Variants in IHO1 observed in about 807,000 individuals in gnomAD.
IHO1 encodes interactor of HORMAD1 protein 1.
In IHO1, 13 loss-of-function variants were observed where a neutral mutation model predicts 31.0. The observed-to-expected ratio is 0.42, with a 90% confidence interval of 0.27 to 0.67. The LOEUF (loss-of-function observed/expected upper bound fraction) is 0.67. IHO1 is among the 30% of genes least tolerant of loss of function. The pLI, the probability that IHO1 is intolerant of heterozygous loss-of-function variation, is 0.24. For synonymous variants in IHO1, 221 were observed against 248.4 expected (o/e 0.89, Z 1.04); for missense variants, 599 against 687.5 (o/e 0.87, Z 1.44).
Position 49,199,552 on chromosome 3 carries a change from G to T in IHO1, c.-37G>T, listed in dbSNP as rs568891927. 1 of 152,020 alleles carries T rather than the reference G, an allele frequency of 6.6e-6. No individual in the cohort carries two copies. The highest frequency in any genetic ancestry group is 1.5e-5 in the Non-Finnish European group (1 of 68,056). 9.4% of individuals were successfully genotyped at this position (152,020 alleles called of 1,614,324 possible). On this transcript the variant is annotated 5_prime_UTR_variant, in exon 1 of 8. Transcript: ENST00000452691. The stretch of plus-strand genomic sequence containing the variant: ...AGCCACGTCAGGGCAGCCCCAGGTC[G>T]GGCGCGTGCCAGCAGCCAGAGGTGG...
At chr3:49,224,921 T>G (rs2046400654) in intron 2 of IHO1, among the ~76,000 whole-genome samples, 1 of 152,220 alleles carries the variant, frequency 6.6e-6, no homozygotes, top group African/African-American at 2.4e-5. Context: ...AGTTGTCTGA[T>G]AGCGATAAAC....
At chr3:49,191,666 C>T in the IHO1 span, 1 of 1,494,428 alleles carries the variant, frequency 6.7e-7, no homozygotes, top group South Asian at 1.1e-5. Context: ...AACCTTTTCA[C>T]TTCACCGGCA....
rs578110250 is a variant in IHO1 at position 49,254,595 on chromosome 3, A to C, written c.533-795A>C. Among the ~76,000 whole-genome samples, 418 of 152,204 alleles carry C rather than the reference A, an allele frequency of 2.7e-3. 3 individuals carry two copies. Among genetic ancestry groups the C allele is most frequent in the African/African-American group, 9.3e-3 (388 of 41,530 alleles). On this transcript the variant is annotated intron_variant, in intron 6 of 7. Transcript: ENST00000452691. ...GCGGGGGGCGGGGGGAATGACAGGG[A>C]CAGAAACAGGGTACTTGAAGCTAAG...
chr3:49,254,328 C>T (rs1046892255), intron 6 of IHO1, among the ~76,000 whole-genome samples: 1 of 151,884 alleles, frequency 6.6e-6, no homozygotes, highest in Non-Finnish European at 1.5e-5. Flanking sequence ...TCTCACTGTG[C>T]AAAAGAGGAA....
intron 2 of IHO1, among the ~76,000 whole-genome samples, chr3:49,217,607 C>T (rs922180446): frequency 2.3e-4 from 35 of 150,358 alleles, no homozygotes; most frequent in African/African-American, 7.1e-4. Context: ...TAAACCTGCA[C>T]GTTGTGCACA....
chr3:49,193,383 GAAAAC>G, the IHO1 span, among the ~76,000 whole-genome samples: 15 of 150,798 alleles, frequency 9.9e-5, no homozygotes, highest in South Asian at 3.2e-3. Context: ...AAAAACAAAA[GAAAAC>G]AAAACAAAAA....
At chr3:49,210,209 A>AT (rs1202060418) in intron 1 of IHO1, among the ~76,000 whole-genome samples, 1 of 151,188 alleles carries the variant, frequency 6.6e-6, no homozygotes, top group Non-Finnish European at 1.5e-5. Context: ...ATTTATTTAA[A>AT]TTTTTTATTT....
chr3:49,248,073 C>T (rs1225424468), intron 6 of IHO1, among the ~76,000 whole-genome samples: 3 of 149,590 alleles, frequency 2.0e-5, no homozygotes, highest in Non-Finnish European at 3.0e-5. Flanking sequence ...TGTAGTGAGC[C>T]GAGATGGCGC....
At chr3:49,216,810 A>T (rs1162306690) in intron 2 of IHO1, among the ~76,000 whole-genome samples, 3 of 152,226 alleles carry the variant, frequency 2.0e-5, no homozygotes, top group Non-Finnish European at 2.9e-5. Context: ...AAAAAACCCC[A>T]TCAAAAAGTG....
At chr3:49,245,041 C>T (rs992013119) in intron 6 of IHO1, 1 of 567,202 alleles carries the variant, frequency 1.8e-6, no homozygotes, top group Non-Finnish European at 3.1e-6. Context: ...AGTGAGTCAG[C>T]AACATCCTTG....
chr3:49,199,191 C>A, upstream of IHO1: 1 of 152,736 alleles, frequency 6.5e-6, no homozygotes, highest in Non-Finnish European at 1.5e-5. Flanking sequence ...GCATGGGGTG[C>A]ACGTGGGCTG....
upstream of IHO1, among the ~76,000 whole-genome samples, chr3:49,197,086 T>G (rs922816283): frequency 2.0e-5 from 3 of 150,536 alleles, no homozygotes; most frequent in Non-Finnish European, 3.0e-5. Context: ...GTTCAAACGA[T>G]TCTCCTGCCT....
upstream of IHO1, among the ~76,000 whole-genome samples, chr3:49,196,507 A>T (rs1209286262): frequency 7.9e-6 from 1 of 127,008 alleles, no homozygotes; most frequent in Non-Finnish European, 1.7e-5. Context: ...TTTTGAGGTG[A>T]AGTCTTGCTC....
At chr3:49,205,055 A>C (rs1180374995) in intron 1 of IHO1, among the ~76,000 whole-genome samples, 1 of 151,820 alleles carries the variant, frequency 6.6e-6, no homozygotes, top group Non-Finnish European at 1.5e-5. Flanking sequence ...GAAAGGAATG[A>C]CTACTCCATA....
At chr3:49,213,864 G>A (rs1004673423) in intron 2 of IHO1, 7 of 245,932 alleles carry the variant, frequency 2.8e-5, no homozygotes, top group African/African-American at 6.7e-5. Context: ...CTCTGACCTC[G>A]GCTAGCCCAG....
chr3:49,241,646 G>C (rs916128584), intron 4 of IHO1, among the ~76,000 whole-genome samples: 1 of 151,702 alleles, frequency 6.6e-6, no homozygotes, highest in Non-Finnish European at 1.5e-5. Context: ...TTTTTTGACG[G>C]AGTCTTGCTC....
intron 4 of IHO1, among the ~76,000 whole-genome samples, chr3:49,241,629 A>AT (rs5848865): frequency 0.095 from 14,032 of 146,952 alleles, 713 homozygotes; most frequent in Middle Eastern, 0.11. Flanking sequence ...TTATAGATTG[A>AT]TTTTTTTTTT....
intron 2 of IHO1, among the ~76,000 whole-genome samples, chr3:49,233,087 CTGTGGAATCG>C (rs2046503004): frequency 6.6e-6 from 1 of 152,158 alleles, no homozygotes; most frequent in South Asian, 2.1e-4. Context: ...GTAACGATTC[CTGTGGAATCG>C]TTATTGATTG....
At chr3:49,194,291 T>C (rs1196533502), upstream of IHO1, among the ~76,000 whole-genome samples, 22 of 57,948 alleles carry the variant, frequency 3.8e-4, no homozygotes, top group African/African-American at 1.5e-3. Context: ...AAGTACAAAG[T>C]GTATATATAT....
Sources: gnomAD v4.1 joint callset for allele counts (sites outside exome capture counted in the v4.1 genomes callset) on GRCh38, gnomAD v4.1.1 for gene constraint, MANE v1.5 for transcripts, NCBI Gene and HGNC (gene_info 2026-07-23, HGNC 2026-07-21) for gene names.